Variants in COL11A1 observed in about 807,000 individuals in gnomAD.
COL11A1 encodes collagen alpha-1(XI) chain.
Under a neutral mutation model 265.2 loss-of-function variants are expected in COL11A1, and 74 were observed. The observed-to-expected ratio is 0.28, with a 90% CI of 0.23 to 0.34. COL11A1 has a LOEUF of 0.34. Ranked by LOEUF, COL11A1 falls within the 10% of genes least tolerant of loss-of-function variation. COL11A1 has a pLI of 1.00. For synonymous variants in COL11A1, 816 were observed against 727.6 expected (o/e 1.12, Z -1.96); for missense variants, 2,165 against 2,263.6 (o/e 0.96, Z 0.88).
intron 50 of COL11A1, 143 bp downstream of exon 50, chr1:102,915,488 C>T: frequency 1.3e-6 from 1 of 755,068 alleles, no homozygotes; most frequent in South Asian, 1.5e-5. Flanking sequence ...TTAAACAAGG[C>T]TTTGTATTTG....
Position 103,108,454 on chromosome 1 carries a change from A to C in COL11A1, c.-276T>G. 3.3e-6 allele frequency: 2 copies of C among 599,742 alleles called. No individual in the cohort carries two copies. Among genetic ancestry groups the C allele is most frequent in the Non-Finnish European group, 5.9e-6 (2 of 337,884 alleles). 37.2% of individuals were successfully genotyped at this position (599,742 alleles called of 1,614,324 possible). On this transcript the variant is annotated 5_prime_UTR_variant, in exon 1 of 67. Coordinates refer to ENST00000370096, the MANE Select transcript of COL11A1 (RefSeq NM_001854.4). ...CTGCCGGGCCCTGCCTTCAGAATGA[A>C]GGCAGATGAGGGGCTTCCACCAACA...
intron 3 of COL11A1, among the ~76,000 whole-genome samples, chr1:103,076,456 G>A (rs1381376525): frequency 2.0e-5 from 3 of 151,958 alleles, no homozygotes; most frequent in Non-Finnish European, 4.4e-5. Flanking sequence ...TTCACAGGAG[G>A]GTCCCCTATC....
intron 41 of COL11A1, among the ~76,000 whole-genome samples, chr1:102,948,941 T>G (rs1379646352): frequency 6.6e-6 from 1 of 151,864 alleles, no homozygotes; most frequent in Non-Finnish European, 1.5e-5. Context: ...AATATTTGCC[T>G]CTAATTCTTT....
rs142393735 is a variant in COL11A1, at chr1:102,973,717, T to C, written c.2808+1113A>G. ...TACTTTATATTTAACACTAGCCATA[T>C]GTATCGATCTTTCTATAACCTTGTA... On this transcript the variant is annotated intron_variant, in intron 36 of 66. Transcript: ENST00000370096. Among the ~76,000 whole-genome samples, 254 of 152,314 alleles carry C rather than the reference T, an allele frequency of 1.7e-3. 1 individual carries two copies. Among genetic ancestry groups the C allele is most frequent in the Middle Eastern group, 0.01 (3 of 294 alleles).
chr1:103,064,698 A>G (rs945744303), intron 4 of COL11A1, among the ~76,000 whole-genome samples: 2 of 109,538 alleles, frequency 1.8e-5, no homozygotes, highest in Non-Finnish European at 4.1e-5. Flanking sequence ...TCAAAAAAAA[A>G]AGAAAAAAAA....
chr1:102,966,302 G>A (rs996564105), intron 37 of COL11A1, among the ~76,000 whole-genome samples: 1 of 152,054 alleles, frequency 6.6e-6, no homozygotes, highest in Non-Finnish European at 1.5e-5. Context: ...AAAATATTGG[G>A]AGAAGTTTCG....
intron 4 of COL11A1, among the ~76,000 whole-genome samples, chr1:103,045,054 G>T (rs914672620): frequency 3.9e-5 from 6 of 151,946 alleles, no homozygotes; most frequent in Non-Finnish European, 8.8e-5. Context: ...ACTAATGAAT[G>T]TCCAGGCCCC....
At chr1:103,073,506 T>C (rs761482388) in intron 4 of COL11A1, among the ~76,000 whole-genome samples, 5 of 151,862 alleles carry the variant, frequency 3.3e-5, no homozygotes, top group Non-Finnish European at 7.4e-5. Context: ...ATTACCATTA[T>C]AAACTACCTG....
chr1:103,048,224 A>G (rs1669474262), intron 4 of COL11A1, among the ~76,000 whole-genome samples: 2 of 152,158 alleles, frequency 1.3e-5, no homozygotes, highest in African/African-American at 4.8e-5. Flanking sequence ...CTGTGAATCC[A>G]TCTGGTCCTG....
At chr1:102,960,864 C>T (rs915408013) in intron 41 of COL11A1, among the ~76,000 whole-genome samples, 13 of 151,946 alleles carry the variant, frequency 8.6e-5, no homozygotes, top group Non-Finnish European at 7.4e-5. Context: ...AGAGGAATGC[C>T]ATAGTTAAGG....
chr1:103,088,796 A>G (rs1157967731), intron 1 of COL11A1, among the ~76,000 whole-genome samples: 1 of 152,208 alleles, frequency 6.6e-6, no homozygotes, highest in Non-Finnish European at 1.5e-5. Context: ...AAGAGAGTAA[A>G]GAGTTCAAGG....
At chr1:102,998,609 T>C (rs1664847160) in intron 24 of COL11A1, among the ~76,000 whole-genome samples, 1 of 151,732 alleles carries the variant, frequency 6.6e-6, no homozygotes, top group Non-Finnish European at 1.5e-5. Flanking sequence ...AGGTCTTTTT[T>C]TAAATTAGCA....
rs576429080 is a variant in COL11A1, at chr1:102,979,276, A to G, written c.2610+106T>C. ...TGGCCTGGAACTCCGGGATTCAAGC[A>G]ATCCTCCACCTGAGCCTCACAAATA... On this transcript the variant is annotated intron_variant, in intron 32 of 66. Transcript: ENST00000370096. 3.0e-5 allele frequency: 37 copies of G among 1,227,454 alleles called. 1 individual carries two copies. The South Asian group carries it at 4.6e-4, about 15-fold the overall frequency. The allele number at this position is 1,227,454 out of a possible 1,614,324, so 76.0% of individuals were successfully genotyped here.
intron 4 of COL11A1, among the ~76,000 whole-genome samples, chr1:103,043,026 A>T (rs1385449276): frequency 6.8e-6 from 1 of 146,438 alleles, no homozygotes. Flanking sequence ...AATATATATG[A>T]TATATATTAA....
chr1:103,048,015 T>A (rs1043747117), intron 4 of COL11A1, among the ~76,000 whole-genome samples: 1 of 152,202 alleles, frequency 6.6e-6, no homozygotes, highest in Non-Finnish European at 1.5e-5. Flanking sequence ...CAGTATTTTA[T>A]TGAGGATTTT....
intron 28 of COL11A1, among the ~76,000 whole-genome samples, chr1:102,994,320 T>C (rs1259943416): frequency 1.3e-5 from 2 of 152,058 alleles, no homozygotes; most frequent in Non-Finnish European, 2.9e-5. Flanking sequence ...GGGGGTGGAT[T>C]TCCATTGAAT....
At chr1:102,940,128 A>G (rs969135704) in intron 43 of COL11A1, among the ~76,000 whole-genome samples, 199 bp downstream of exon 43, 1 of 152,188 alleles carries the variant, frequency 6.6e-6, no homozygotes, top group Non-Finnish European at 1.5e-5. Context: ...CTGTTTATGT[A>G]TCACATACTA....
intron 62 of COL11A1, among the ~76,000 whole-genome samples, chr1:102,887,743 T>G (rs1651181439): frequency 6.6e-6 from 1 of 152,174 alleles, no homozygotes; most frequent in Non-Finnish European, 1.5e-5. Flanking sequence ...TATAATTAGT[T>G]AAGATAACAT....
At chr1:102,945,194 G>A (rs3126211) in intron 42 of COL11A1, among the ~76,000 whole-genome samples, 137,214 of 151,478 alleles carry the variant, frequency 0.91, 63,052 homozygotes, top group East Asian at 1. Flanking sequence ...ATTAATTAAT[G>A]CCGTTATTGC....
Sources: allele counts gnomAD v4.1 joint callset (sites outside exome capture counted in the v4.1 genomes callset), GRCh38; gene constraint gnomAD v4.1.1; transcripts MANE v1.5; gene names NCBI Gene and HGNC (gene_info 2026-07-23, HGNC 2026-07-21).